Variants in ORC4 observed in about 807,000 individuals in gnomAD.
ORC4 encodes origin recognition complex subunit 4, also known as origin recognition complex, subunit 4 homolog.
In ORC4, 55 loss-of-function variants were observed where a neutral mutation model predicts 63.9. The observed-to-expected ratio is 0.86, with a 90% CI of 0.69 to 1.08. The LOEUF (loss-of-function observed/expected upper bound fraction) is 1.08. Ranked by LOEUF, ORC4 falls within the 50% of genes least tolerant of loss-of-function variation. The pLI, the probability that ORC4 is intolerant of heterozygous loss-of-function variation, is 0.00. For synonymous variants in ORC4, 150 were observed against 168.5 expected (o/e 0.89, Z 0.85); for missense variants, 511 against 504.4 (o/e 1.01, Z -0.13).
chr2:148,018,487 T>C (rs1460149318), intron 1 of ORC4, among the ~76,000 whole-genome samples: 1 of 152,222 alleles, frequency 6.6e-6, no homozygotes, highest in East Asian at 1.9e-4. Context: ...AATAGCATTG[T>C]TCATAACTAC....
Position 148,005,656 on chromosome 2 carries a change from C to CAAAAAAAAAAAAAAAAAAAAAAAAA in ORC4, c.-18+14976_-18+14977insTTTTTTTTTTTTTTTTTTTTTTTTT, listed in dbSNP as rs55869341. 5.8e-5 allele frequency among the ~76,000 whole-genome samples: 3 copies of CAAAAAAAAAAAAAAAAAAAAAAAAA among 51,490 alleles called. 1 individual carries two copies. The highest frequency in any genetic ancestry group is 1.6e-4 in the African/African-American group (2 of 12,832). The allele number at this position is 51,490 out of a possible 152,430, so 33.8% of individuals were successfully genotyped here. ...ACACCAAACTGAACAACTATCCATG[C>CAAAAAAAAAAAAAAAAAAAAAAAAA]AAAAAAAAAAAAAAAAAAAAAAAAC... is the stretch of plus-strand genomic sequence containing the variant. On this transcript the variant is annotated intron_variant, in intron 1 of 13. Coordinates refer to ENST00000392857, the MANE Select transcript of ORC4 (RefSeq NM_181741.4).
intron 1 of ORC4, among the ~76,000 whole-genome samples, chr2:147,977,237 TAAA>T (rs954432529): frequency 1.3e-5 from 2 of 152,138 alleles, no homozygotes; most frequent in Admixed American, 6.5e-5. Context: ...ACCACTTTTT[TAAA>T]AAAGTGTATT....
At chr2:147,970,486 A>C (rs1690148736) in intron 4 of ORC4, among the ~76,000 whole-genome samples, 1 of 152,176 alleles carries the variant, frequency 6.6e-6, no homozygotes, top group African/African-American at 2.4e-5. Context: ...CAAAAGACAG[A>C]CAAAGCAAGG....
At chr2:147,974,693 G>C (rs1412026704) in intron 2 of ORC4, among the ~76,000 whole-genome samples, 1 of 151,116 alleles carries the variant, frequency 6.6e-6, no homozygotes, top group East Asian at 1.9e-4. Flanking sequence ...GCTTTGTACA[G>C]GTAATAGCTA....
chr2:148,011,110 T>A (rs940864966), intron 1 of ORC4, among the ~76,000 whole-genome samples: 5 of 152,140 alleles, frequency 3.3e-5, no homozygotes, highest in African/African-American at 7.2e-5. Context: ...ATTACTGGCG[T>A]GAGCTACCAT....
intron 8 of ORC4, among the ~76,000 whole-genome samples, chr2:147,948,670 C>CT (rs371088010): frequency 0.021 from 3,003 of 140,910 alleles, 49 homozygotes; most frequent in Admixed American, 0.03. Context: ...TATCTTCCGG[C>CT]TTTTTTTTTT....
chr2:147,958,979 C>T (rs1446204398), intron 4 of ORC4, 113 bp from the exon 5 acceptor site: 1 of 580,240 alleles, frequency 1.7e-6, no homozygotes. Flanking sequence ...ACCTCTTTAA[C>T]AAGTAAGTTT....
At chr2:147,989,536 T>C (rs914645650) in intron 1 of ORC4, among the ~76,000 whole-genome samples, 6 of 152,058 alleles carry the variant, frequency 3.9e-5, no homozygotes, top group African/African-American at 1.4e-4. Context: ...TGAAACTCCA[T>C]CTCTACTAAA....
rs982888263 is a variant in ORC4, at chr2:147,934,528, A to G, written c.*982T>C. 27 of 152,132 alleles carry G rather than the reference A, an allele frequency of 1.8e-4. No individual in the cohort carries two copies. Among genetic ancestry groups the G allele is most frequent in the African/African-American group, 6.0e-4 (25 of 41,428 alleles). 9.4% of individuals were successfully genotyped at this position (152,132 alleles called of 1,614,324 possible). A position where few individuals can be genotyped will look rare whatever the true frequency, so the allele number is the denominator to read the frequency against. On this transcript the variant is annotated 3_prime_UTR_variant, in exon 14 of 14. Coordinates refer to ENST00000392857, the MANE Select transcript of ORC4 (RefSeq NM_181741.4). ...AGTCACGTCACTTCATGATGGGGCT[A>G]CGTTCTGAGAAATGTGTCTTTGGGT...
intron 8 of ORC4, among the ~76,000 whole-genome samples, chr2:147,951,937 T>C (rs1342788252): frequency 6.6e-6 from 1 of 152,212 alleles, no homozygotes; most frequent in Non-Finnish European, 1.5e-5. Flanking sequence ...TGTCAGTGCT[T>C]GGTAGAATCT....
chr2:147,961,160 C>G (rs1689570048), intron 4 of ORC4, among the ~76,000 whole-genome samples: 1 of 152,038 alleles, frequency 6.6e-6, no homozygotes, highest in Non-Finnish European at 1.5e-5. Flanking sequence ...ACTAATGAGG[C>G]TAGGCACAGT....
chr2:147,948,616 T>G (rs1196554617), intron 8 of ORC4, among the ~76,000 whole-genome samples: 1 of 151,326 alleles, frequency 6.6e-6, no homozygotes, highest in Non-Finnish European at 1.5e-5. Context: ...GGAACCAACT[T>G]TAGGAGAGGA....
intron 4 of ORC4, among the ~76,000 whole-genome samples, chr2:147,967,429 A>G (rs904891302): frequency 6.6e-6 from 1 of 151,998 alleles, no homozygotes; most frequent in Non-Finnish European, 1.5e-5. Flanking sequence ...AAACTCTTAG[A>G]ATTTCAGTAA....
chr2:147,968,676 A>G (rs1573809886), intron 4 of ORC4, among the ~76,000 whole-genome samples: 1 of 152,068 alleles, frequency 6.6e-6, no homozygotes, highest in Non-Finnish European at 1.5e-5. Context: ...ACTTTTATAC[A>G]CCATTGGTGG....
chr2:147,941,859 T>C (rs1471137283), intron 10 of ORC4, among the ~76,000 whole-genome samples: 1 of 151,916 alleles, frequency 6.6e-6, no homozygotes, highest in African/African-American at 2.4e-5. Context: ...ATGCTGAAAA[T>C]GGCAGTATGC....
At chr2:148,011,886 C>A (rs1025380753) in intron 1 of ORC4, among the ~76,000 whole-genome samples, 1 of 151,912 alleles carries the variant, frequency 6.6e-6, no homozygotes, top group Non-Finnish European at 1.5e-5. Context: ...TATTAAATAT[C>A]TAGAAATAAA....
intron 1 of ORC4, among the ~76,000 whole-genome samples, chr2:148,003,042 CA>C (rs1257085315): frequency 6.6e-6 from 1 of 152,022 alleles, no homozygotes; most frequent in Non-Finnish European, 1.5e-5. Context: ...ACACAGACAC[CA>C]TCCCAAGACT....
intron 4 of ORC4, among the ~76,000 whole-genome samples, chr2:147,959,763 T>C (rs1689480843): frequency 6.6e-6 from 1 of 152,120 alleles, no homozygotes; most frequent in African/African-American, 2.4e-5. Context: ...GCATAGGGAA[T>C]TCCAGGTCCT....
chr2:147,994,030 T>C (rs1004425513), intron 1 of ORC4, among the ~76,000 whole-genome samples: 5 of 152,180 alleles, frequency 3.3e-5, no homozygotes, highest in Non-Finnish European at 7.4e-5. Context: ...AAGGTTAATA[T>C]ACAAATTGTC....
Sources: gnomAD v4.1 joint callset for allele counts (sites outside exome capture counted in the v4.1 genomes callset) on GRCh38, gnomAD v4.1.1 for gene constraint, MANE v1.5 for transcripts, NCBI Gene and HGNC (gene_info 2026-07-23, HGNC 2026-07-21) for gene names.